The following JAG1 variants were observed in gnomAD, a reference collection of about 807,000 sequenced individuals.
JAG1 encodes protein jagged-1.
In JAG1, 23 loss-of-function variants were observed where a neutral mutation model predicts 148.7. The ratio of observed to expected loss-of-function variants is 0.15; its 90% CI spans 0.11 to 0.22. The LOEUF (loss-of-function observed/expected upper bound fraction) is 0.22. JAG1 is among the 10% of genes least tolerant of loss of function. The pLI is 1.00. For synonymous variants in JAG1, 572 were observed against 598.3 expected (o/e 0.96, Z 0.64); for missense variants, 1,054 against 1,611.2 (o/e 0.65, Z 5.92).
chr20:10,649,347 G>A (rs2067330899), intron 10 of JAG1, among the ~76,000 whole-genome samples, 175 bp downstream of exon 10: 1 of 152,124 alleles, frequency 6.6e-6, no homozygotes, highest in African/African-American at 2.4e-5. Flanking sequence ...CGCAGCTAAT[G>A]AGCCTGATAA....
At chr20:10,655,793 G>C (rs758284996) in intron 5 of JAG1, among the ~76,000 whole-genome samples, 5 of 152,160 alleles carry the variant, frequency 3.3e-5, no homozygotes, top group African/African-American at 4.8e-5. Flanking sequence ...ATCGTGAAGT[G>C]GTCAGGGCAG....
chr20:10,646,346 AAGAGG>A (rs1242753712), intron 14 of JAG1: 2 of 481,582 alleles, frequency 4.2e-6, no homozygotes, highest in Non-Finnish European at 7.6e-6. Flanking sequence ...TCCTACAGAA[AAGAGG>A]AATCACCCAA....
chr20:10,643,929 A>T, intron 19 of JAG1, 66 bp from the exon 20 acceptor site: 2 of 1,155,444 alleles, frequency 1.7e-6, no homozygotes, highest in South Asian at 2.5e-5. Flanking sequence ...CCAATCACTC[A>T]CATGTCACCA....
At chr20:10,650,746 C>T (rs1320663396) in intron 8 of JAG1, 4 of 277,868 alleles carry the variant, frequency 1.4e-5, no homozygotes, top group Non-Finnish European at 2.8e-5. Context: ...AAACCTTATT[C>T]CTCTCATTTG....
At chr20:10,644,817 T>C (rs2122602145) in intron 18 of JAG1, 46 bp downstream of exon 18, 1 of 1,359,208 alleles carries the variant, frequency 7.4e-7, no homozygotes, top group Non-Finnish European at 1.1e-6. Context: ...GGTGTCAGGA[T>C]CTGCTCCGAC....
chr20:10,669,674 G>C (rs937559162), intron 2 of JAG1, among the ~76,000 whole-genome samples: 1 of 144,522 alleles, frequency 6.9e-6, no homozygotes, highest in South Asian at 2.2e-4. Flanking sequence ...TTCCCCTAAC[G>C]TTTCTCTAGA....
chr20:10,656,248 A>G, intron 5 of JAG1, 150 bp downstream of exon 5: 1 of 657,604 alleles, frequency 1.5e-6, no homozygotes, highest in Middle Eastern at 4.0e-4. Flanking sequence ...GGTATAATTT[A>G]ATAAGCTTCG....
At chr20:10,646,464 A>G (rs2067309217) in intron 14 of JAG1, 1 of 364,714 alleles carries the variant, frequency 2.7e-6, no homozygotes, top group African/African-American at 2.1e-5. Flanking sequence ...AGATGTAAGG[A>G]TAAGTCTCAA....
chr20:10,670,290 G>A (rs747412562), intron 2 of JAG1, among the ~76,000 whole-genome samples: 9 of 152,178 alleles, frequency 5.9e-5, no homozygotes, highest in South Asian at 2.1e-4. Context: ...GATACCCAGC[G>A]TCAGCAAATT....
intron 5 of JAG1, among the ~76,000 whole-genome samples, chr20:10,655,919 CCT>C (rs1042369680): frequency 1.3e-5 from 2 of 152,170 alleles, no homozygotes; most frequent in African/African-American, 4.8e-5. Context: ...CAGCCATTAA[CCT>C]CTCAGCACCA....
chr20:10,661,649 C>T (rs756562600), intron 3 of JAG1, among the ~76,000 whole-genome samples: 14 of 152,118 alleles, frequency 9.2e-5, no homozygotes, highest in Non-Finnish European at 1.6e-4. Flanking sequence ...CAGAAGGCCA[C>T]CAAGTGGTTG....
At position 10,639,774 on chromosome 20, in the gene JAG1, C is replaced by T. The variant is rs982989455; in HGVS notation, c.3381G>A (p.Glu1127=). 7 of 1,614,010 alleles carry T rather than the reference C, an allele frequency of 4.3e-6. No homozygotes were observed. In the Admixed American group the frequency reaches 1.0e-4, roughly 23 times the overall value. The change falls in exon 26 of 26, where the codon GAG becomes GAA. Residue 1127 remains glutamate (E), a synonymous_variant. Transcript: ENST00000254958. ...EQLNQIKNPI[E]KHGANTVPIK... is the part of the protein sequence containing the mutation. Reference sequence around the variant, plus strand: ...TGGGGACCGTGTTGGCCCCATGTTTCTCAATGGGGTTTTTGATCTGGTTCA... The same window carrying T: ...TGGGGACCGTGTTGGCCCCATGTTTTTCAATGGGGTTTTTGATCTGGTTCA...
intron 7 of JAG1, 55 bp from the exon 8 acceptor site, chr20:10,651,749 C>A: frequency 8.9e-7 from 1 of 1,120,396 alleles, no homozygotes; most frequent in Non-Finnish European, 1.3e-6. Context: ...GTTACCTCCC[C>A]ACACCCCCCT....
At chr20:10,672,376 T>C (rs1165205174) in intron 2 of JAG1, among the ~76,000 whole-genome samples, 2 of 152,176 alleles carry the variant, frequency 1.3e-5, no homozygotes, top group Non-Finnish European at 2.9e-5. Context: ...AACGATCTCT[T>C]GGCTTGGGGC....
intron 18 of JAG1, 71 bp from the exon 19 acceptor site, chr20:10,644,455 C>T: frequency 4.8e-6 from 6 of 1,239,944 alleles, no homozygotes; most frequent in Non-Finnish European, 7.1e-6. Context: ...AGTAAAACCA[C>T]CACTTATTTT....
chr20:10,641,368 G>C, intron 23 of JAG1, 92 bp downstream of exon 23: 1 of 1,516,822 alleles, frequency 6.6e-7, no homozygotes, highest in Non-Finnish European at 9.1e-7. Flanking sequence ...ATGTAAGCTA[G>C]GGAGAAGTAG....
chr20:10,651,504 G>T, intron 8 of JAG1, 77 bp downstream of exon 8: 1 of 948,648 alleles, frequency 1.1e-6, no homozygotes, highest in Non-Finnish European at 1.7e-6. Context: ...CACTGGACAA[G>T]CCTAGGTACC....
intron 11 of JAG1, 34 bp from the exon 12 acceptor site, chr20:10,648,756 C>A (rs2067325799): frequency 1.2e-6 from 2 of 1,601,230 alleles, no homozygotes; most frequent in Non-Finnish European, 1.7e-6. Context: ...GAGACACATG[C>A]TTTTTTTCTA....
In JAG1 at chr20:10,673,057, CGAGTATAGAGG is replaced by C; in HGVS notation, c.82-62_82-52del. 1 of 1,567,110 alleles carries C rather than the reference CGAGTATAGAGG, an allele frequency of 6.4e-7. No homozygotes were observed. Among genetic ancestry groups the C allele is most frequent in the Non-Finnish European group, 8.7e-7 (1 of 1,151,952 alleles). On this transcript the variant is annotated intron_variant, in intron 1 of 25. Coordinates refer to ENST00000254958, the MANE Select transcript of JAG1 (RefSeq NM_000214.3). This position sits in a 1 kb window ranked among gnomAD's most constrained non-coding sequence, Gnocchi z 4.7. Reference sequence around the variant, plus strand: ...CAGCGCGGGAGAAAGCTGTTTTCTTCGAGTATAGAGGTGGCGACTCCCTCCCACTCCCCGCC... The same window carrying C: ...CAGCGCGGGAGAAAGCTGTTTTCTTCTGGCGACTCCCTCCCACTCCCCGCC...
Sources: gnomAD v4.1 joint callset for allele counts (sites outside exome capture counted in the v4.1 genomes callset) on GRCh38, gnomAD v4.1.1 for gene constraint, Gnocchi (gnomAD v3.1) non-coding constraint, MANE v1.5 for transcripts, NCBI Gene and HGNC (gene_info 2026-07-23, HGNC 2026-07-21) for gene names.